CDKAL1: variants seen among roughly 807,000 people sequenced by gnomAD.
CDKAL1 encodes threonylcarbamoyladenosine tRNA methylthiotransferase.
CDKAL1 carries 32 observed loss-of-function variants against 68.2 expected under a neutral mutation model. That is an observed-to-expected ratio of 0.47 (90% CI 0.35 to 0.63). The LOEUF (loss-of-function observed/expected upper bound fraction) is 0.63. Among genes scored for constraint, CDKAL1 ranks in the 30% least tolerant of loss-of-function variants. CDKAL1 has a pLI of 0.00. For missense variants in CDKAL1, 606 were observed against 696.7 expected, an observed-to-expected ratio of 0.87 and a Z score of 1.47; for synonymous variants, 234 against 244.3, an observed-to-expected ratio of 0.96 and a Z score of 0.39.
intron 15 of CDKAL1, among the ~76,000 whole-genome samples, chr6:21,220,649 A>G (rs1582442255): frequency 6.6e-6 from 1 of 152,218 alleles, no homozygotes; most frequent in African/African-American, 2.4e-5. Flanking sequence ...TTAGGAAACT[A>G]TTATAAGCTC....
chr6:20,837,315 A>T (rs1041878736), intron 8 of CDKAL1, among the ~76,000 whole-genome samples: 1 of 151,290 alleles, frequency 6.6e-6, no homozygotes, highest in Non-Finnish European at 1.5e-5. Flanking sequence ...CTTTCCCAGG[A>T]TGTTTTGACT....
At chr6:20,955,308 G>A (rs1301324018) in intron 9 of CDKAL1, 111 bp from the exon 10 acceptor site, 1 of 1,090,350 alleles carries the variant, frequency 9.2e-7, no homozygotes, top group African/African-American at 1.6e-5. Flanking sequence ...TGAATACCCA[G>A]ACTGCCTGAA....
chr6:21,016,838 T>G (rs539732846), intron 11 of CDKAL1, among the ~76,000 whole-genome samples: 29 of 152,202 alleles, frequency 1.9e-4, no homozygotes, highest in Non-Finnish European at 3.2e-4. Context: ...CACTGCCTCT[T>G]TAAGTAAGTA....
At chr6:21,153,239 T>C (rs886666245) in intron 13 of CDKAL1, among the ~76,000 whole-genome samples, 1 of 144,596 alleles carries the variant, frequency 6.9e-6, no homozygotes, top group Non-Finnish European at 1.5e-5. Flanking sequence ...TGATTTCTTT[T>C]TTTTTTTTTT....
intron 5 of CDKAL1, among the ~76,000 whole-genome samples, chr6:20,692,314 C>G (rs1770906493): frequency 6.6e-6 from 1 of 152,138 alleles, no homozygotes; most frequent in African/African-American, 2.4e-5. Flanking sequence ...ACTCAACCTC[C>G]AAGTTAATGT....
chr6:21,138,794 T>C, intron 13 of CDKAL1, among the ~76,000 whole-genome samples: 1 of 152,142 alleles, frequency 6.6e-6, no homozygotes, highest in East Asian at 1.9e-4. Context: ...GACATAAGCA[T>C]GGATGAGCTC....
chr6:20,999,659 A>C (rs1294632298), intron 10 of CDKAL1, among the ~76,000 whole-genome samples: 2 of 129,692 alleles, frequency 1.5e-5, no homozygotes, highest in African/African-American at 6.8e-5. Context: ...TATGTGACTG[A>C]AATTAAAAAA....
intron 7 of CDKAL1, among the ~76,000 whole-genome samples, chr6:20,770,046 G>C (rs1054095425): frequency 3.3e-5 from 5 of 151,536 alleles, no homozygotes; most frequent in Non-Finnish European, 5.9e-5. Context: ...TATATATTTT[G>C]TTCCTTCATG....
chr6:21,097,654 C>G (rs1773382695), intron 12 of CDKAL1, among the ~76,000 whole-genome samples: 1 of 152,108 alleles, frequency 6.6e-6, no homozygotes, highest in Non-Finnish European at 1.5e-5. Context: ...ATATTTTTCT[C>G]TCAACAAAAG....
At chr6:20,910,413 T>G (rs1400471587) in intron 9 of CDKAL1, among the ~76,000 whole-genome samples, 1 of 152,194 alleles carries the variant, frequency 6.6e-6, no homozygotes, top group Non-Finnish European at 1.5e-5. Flanking sequence ...CTGAAAATAG[T>G]CCATTGTTTA....
chr6:21,203,541 T>C (rs1778779739), intron 15 of CDKAL1, among the ~76,000 whole-genome samples: 1 of 151,874 alleles, frequency 6.6e-6, no homozygotes, highest in Non-Finnish European at 1.5e-5. Context: ...CGGCCCCAGC[T>C]GATACTGTTT....
chr6:20,858,318 T>C (rs1357260900), intron 9 of CDKAL1, among the ~76,000 whole-genome samples: 1 of 146,820 alleles, frequency 6.8e-6, no homozygotes, highest in South Asian at 2.2e-4. Context: ...TTTTATTCTG[T>C]ATTGACTTTT....
intron 9 of CDKAL1, among the ~76,000 whole-genome samples, chr6:20,868,765 T>C (rs1760038909): frequency 6.6e-6 from 1 of 152,216 alleles, no homozygotes; most frequent in Non-Finnish European, 1.5e-5. Flanking sequence ...ACAAATAATT[T>C]ACCCTCTGCG....
chr6:20,998,254 G>A (rs931136534), intron 10 of CDKAL1, among the ~76,000 whole-genome samples: 1 of 152,200 alleles, frequency 6.6e-6, no homozygotes, highest in Non-Finnish European at 1.5e-5. Context: ...CATATTTACT[G>A]TAGGATGCGT....
At chr6:20,614,780 C>CT (rs1360345269) in intron 4 of CDKAL1, among the ~76,000 whole-genome samples, 1 of 152,022 alleles carries the variant, frequency 6.6e-6, no homozygotes, top group Non-Finnish European at 1.5e-5. Flanking sequence ...AAATATTTGA[C>CT]TTTTTTTGTT....
At chr6:20,702,933 C>T (rs1351408132) in intron 5 of CDKAL1, among the ~76,000 whole-genome samples, 1 of 152,154 alleles carries the variant, frequency 6.6e-6, no homozygotes, top group Non-Finnish European at 1.5e-5. Flanking sequence ...CCAGCACTCC[C>T]GTATCACTAG....
intron 12 of CDKAL1, among the ~76,000 whole-genome samples, chr6:21,070,309 T>G (rs572870203): frequency 2.6e-5 from 4 of 152,278 alleles, no homozygotes; most frequent in Admixed American, 2.6e-4. Flanking sequence ...TTGTACTGTC[T>G]CTGTCCCTTT....
chr6:21,031,372 A>G (rs932635565), intron 11 of CDKAL1, among the ~76,000 whole-genome samples: 3 of 151,408 alleles, frequency 2.0e-5, no homozygotes, highest in South Asian at 2.1e-4. Context: ...TAAAGGGTTC[A>G]CCTGATTAGG....
At chr6:20,833,567 T>C (rs1393164494) in intron 8 of CDKAL1, among the ~76,000 whole-genome samples, 10 of 152,030 alleles carry the variant, frequency 6.6e-5, no homozygotes, top group Non-Finnish European at 1.3e-4. Flanking sequence ...AAAAAGTAAC[T>C]CACCTATGTC....
Sources: gnomAD v4.1 joint callset for allele counts (sites outside exome capture counted in the v4.1 genomes callset) on GRCh38, gnomAD v4.1.1 for gene constraint, MANE v1.5 for transcripts, NCBI Gene and HGNC (gene_info 2026-07-23, HGNC 2026-07-21) for gene names.